Variants in XKR9 observed in about 807,000 individuals in gnomAD.
XKR9 encodes the protein XK related 9, also known as XK-related protein 9.
XKR9 carries 32 observed loss-of-function variants against 32.0 expected under a neutral mutation model. The ratio of observed to expected loss-of-function variants is 1.00; its 90% CI spans 0.76 to 1.34. XKR9 has a LOEUF of 1.34. Among genes scored for constraint, XKR9 ranks in the 40% most tolerant of loss-of-function variants. XKR9 has a pLI of 0.00. For missense variants in XKR9, 546 were observed against 429.7 expected (o/e 1.27, Z -2.39); for synonymous variants, 168 against 143.4 (o/e 1.17, Z -1.22).
At chr8:70,736,630 G>T (rs559059896), downstream of XKR9, among the ~76,000 whole-genome samples, 3 of 152,142 alleles carry the variant, frequency 2.0e-5, no homozygotes, top group East Asian at 5.8e-4. Flanking sequence ...AATCCATCTT[G>T]AATTAACTTT....
At chr8:70,851,424 A>G in the XKR9 span, among the ~76,000 whole-genome samples, 1 of 152,226 alleles carries the variant, frequency 6.6e-6, no homozygotes, top group Non-Finnish European at 1.5e-5. Context: ...CAGAATTAGA[A>G]AAAACTACTT....
downstream of XKR9, among the ~76,000 whole-genome samples, chr8:70,737,163 C>A (rs1200758507): frequency 9.8e-4 from 133 of 136,328 alleles, no homozygotes; most frequent in Non-Finnish European, 1.3e-3. Context: ...GTTTGTAGTT[C>A]TCCTTGAAGA....
In XKR9 at chr8:70,687,153, C is replaced by T. The variant is rs117365870; in HGVS notation, c.272+5823C>T. 9.6e-3 allele frequency among the ~76,000 whole-genome samples: 1,462 copies of T among 152,246 alleles called. 10 individuals are homozygous for T. Among genetic ancestry groups the T allele is most frequent in the Non-Finnish European group, 0.015 (1,012 of 68,016 alleles). ...TGGTAACTATTATTCTACTCTCTAT[C>T]TCCATGAGTTTGTTTCAATTTTTAG... On this transcript the variant is annotated intron_variant, in intron 3 of 4. Coordinates refer to ENST00000408926, the MANE Select transcript of XKR9 (RefSeq NM_001011720.2).
At chr8:70,905,510 A>G in the XKR9 span, among the ~76,000 whole-genome samples, 5 of 152,244 alleles carry the variant, frequency 3.3e-5, no homozygotes, top group Admixed American at 6.5e-5. Flanking sequence ...TATTCTAGTT[A>G]GCCATTCGTC....
chr8:70,748,471 C>A (rs1807089070), intron 2 of XKR9, among the ~76,000 whole-genome samples: 1 of 151,868 alleles, frequency 6.6e-6, no homozygotes, highest in South Asian at 2.1e-4. Flanking sequence ...GGTGTGTGTG[C>A]ATTCAGAGAG....
At chr8:70,952,704 G>T in the XKR9 span, among the ~76,000 whole-genome samples, 2 of 152,166 alleles carry the variant, frequency 1.3e-5, no homozygotes, top group Non-Finnish European at 2.9e-5. Context: ...CATAACTATG[G>T]TCCTCTGAAG....
chr8:70,965,432 A>T, the XKR9 span, among the ~76,000 whole-genome samples: 2 of 152,124 alleles, frequency 1.3e-5, no homozygotes, highest in African/African-American at 2.4e-5. Context: ...TATCTCTGTC[A>T]GGTTTTGATA....
At chr8:70,966,475 G>A in the XKR9 span, among the ~76,000 whole-genome samples, 1 of 152,148 alleles carries the variant, frequency 6.6e-6, no homozygotes, top group Non-Finnish European at 1.5e-5. Flanking sequence ...GCACAGTCTT[G>A]TGAGAGACTG....
chr8:71,040,103 C>T, the XKR9 span, among the ~76,000 whole-genome samples: 67 of 152,196 alleles, frequency 4.4e-4, no homozygotes, highest in East Asian at 2.5e-3. Flanking sequence ...CGCATTTCTC[C>T]GTTTAAGCCC....
chr8:70,852,495 ATTATAAATCATTCTACTT>A, the XKR9 span, among the ~76,000 whole-genome samples: 2 of 152,292 alleles, frequency 1.3e-5, no homozygotes, highest in East Asian at 1.9e-4. Context: ...ATTATAAAGA[ATTATAAATCATTCTACTT>A]TTATAAATCA....
the XKR9 span, among the ~76,000 whole-genome samples, chr8:71,062,351 G>A: frequency 6.6e-6 from 1 of 152,174 alleles, no homozygotes; most frequent in Non-Finnish European, 1.5e-5. Flanking sequence ...TCAAGAGATT[G>A]AGTGTCTGGT....
the XKR9 span, among the ~76,000 whole-genome samples, chr8:70,811,507 T>C: frequency 2.6e-5 from 4 of 152,176 alleles, no homozygotes; most frequent in East Asian, 7.7e-4. Context: ...CAGGAGCTGG[T>C]TTTTTGAAAA....
the XKR9 span, among the ~76,000 whole-genome samples, chr8:71,027,051 A>T: frequency 6.6e-6 from 1 of 152,218 alleles, no homozygotes; most frequent in African/African-American, 2.4e-5. Flanking sequence ...TAATTCAAAT[A>T]TGCTTGCATT....
At chr8:70,847,833 T>C in the XKR9 span, among the ~76,000 whole-genome samples, 1 of 151,940 alleles carries the variant, frequency 6.6e-6, no homozygotes, top group East Asian at 1.9e-4. Context: ...TAGTAAAAAG[T>C]CTTCCAACAA....
the XKR9 span, among the ~76,000 whole-genome samples, chr8:70,928,477 AT>A: frequency 3.4e-4 from 51 of 151,988 alleles, 1 homozygote; most frequent in South Asian, 7.3e-3. Context: ...TTATAATCTG[AT>A]TTTTTTTAGG....
chr8:70,771,157 C>G (rs190622), intron 2 of XKR9, among the ~76,000 whole-genome samples: 1 of 152,162 alleles, frequency 6.6e-6, no homozygotes, highest in Admixed American at 6.6e-5. Context: ...CTTCCCTTGG[C>G]TAGGGGACGG....
the XKR9 span, among the ~76,000 whole-genome samples, chr8:70,808,938 AAG>A: frequency 6.6e-6 from 1 of 152,202 alleles, no homozygotes. Flanking sequence ...GACAGCTTTG[AAG>A]AGAGTAGTGG....
rs1466163794 is a variant in XKR9 at position 70,776,919 on chromosome 8, T to TCTCTCTCTCTCTC, written n.353-12420_353-12419insCTCTCTCTCTCTC. On this transcript the variant is annotated intron_variant and non_coding_transcript_variant, in intron 2 of 3. Transcript: ENST00000520273. ...ACCTTGCATTTAGCAGGTTTTCTCTTTCTTTCTCTCTCTCTCTCTCTCTCT... is the reference window on the plus strand; with the variant it reads ...ACCTTGCATTTAGCAGGTTTTCTCTTCTCTCTCTCTCTCTCTTTCTCTCTCTCTCTCTCTCTCT... Among the ~76,000 whole-genome samples the TCTCTCTCTCTCTC allele has an allele frequency of 3.6e-3, 249 of 69,958 alleles. 19 individuals carry two copies. The highest frequency in any genetic ancestry group is 5.2e-3 in the Non-Finnish European group (203 of 39,264). The allele number at this position is 69,958 out of a possible 152,430, so 45.9% of individuals were successfully genotyped here. A position where few individuals can be genotyped will look rare whatever the true frequency, so the allele number is the denominator to read the frequency against.
In XKR9 at chr8:70,727,282, GA is replaced by G. The variant is rs961130871; in HGVS notation, c.494-6510del. ...AAAAAAGATATGGGGCAATTTAGGGGAAAATTATATTTTAACTAAAATATTT... is the reference window on the plus strand; with the variant it reads ...AAAAAAGATATGGGGCAATTTAGGGGAAATTATATTTTAACTAAAATATTT... On this transcript the variant is annotated intron_variant, in intron 4 of 4. Transcript: ENST00000408926. Among the ~76,000 whole-genome samples, 66 of 150,122 alleles carry G rather than the reference GA, an allele frequency of 4.4e-4. 1 individual carries two copies. The highest frequency in any genetic ancestry group is 1.4e-3 in the African/African-American group (59 of 40,970).
Sources: allele counts gnomAD v4.1 joint callset (sites outside exome capture counted in the v4.1 genomes callset), GRCh38; gene constraint gnomAD v4.1.1; transcripts MANE v1.5; gene names NCBI Gene and HGNC (gene_info 2026-07-23, HGNC 2026-07-21).